SBF2: variants seen among roughly 807,000 people sequenced by gnomAD.
The protein encoded by SBF2 is SET binding factor 2.
In SBF2, 112 loss-of-function variants were observed where a neutral mutation model predicts 225.2. That is an observed-to-expected ratio of 0.50 (90% CI 0.43 to 0.58). The LOEUF (loss-of-function observed/expected upper bound fraction) is 0.58, where lower values mean the gene tolerates loss of function less well. Among genes scored for constraint, SBF2 ranks in the 20% least tolerant of loss-of-function variants. The probability of loss-of-function intolerance (pLI) is 0.00; values close to 1 mark genes in which losing one functional copy is unlikely to be tolerated. For synonymous variants in SBF2, 763 were observed against 773.3 expected, an observed-to-expected ratio of 0.99 and a Z score of 0.22; for missense variants, 1,996 against 2,206.2, an observed-to-expected ratio of 0.90 and a Z score of 1.91.
At chr11:9,938,504 T>G (rs1309230920) in intron 16 of SBF2, among the ~76,000 whole-genome samples, 3 of 152,024 alleles carry the variant, frequency 2.0e-5, no homozygotes, top group Admixed American at 2.0e-4. Context: ...AATTTGCTTT[T>G]GGAACATAAT....
rs181193289 is a variant in SBF2, at chr11:9,829,321, A to C, written c.3793+35T>G. 6.7e-5 allele frequency: 108 copies of C among 1,609,060 alleles called. No individual in the cohort carries two copies. In the African/African-American group the frequency reaches 1.3e-3, roughly 19 times the overall value. ...AGGAACAGAACTGACCTTTCATTAG[A>C]AGCTGTCAAGAAGAAAAGTATTATC... On this transcript the variant is annotated intron_variant, in intron 28 of 39. Transcript: ENST00000256190.
intron 2 of SBF2, among the ~76,000 whole-genome samples, chr11:10,132,335 G>C (rs533223076): frequency 4.6e-4 from 70 of 152,250 alleles, no homozygotes; most frequent in Non-Finnish European, 8.5e-4. Flanking sequence ...TCCAGAATTG[G>C]TGGGTTCTTG....
At chr11:10,137,475 A>G (rs543773480) in intron 2 of SBF2, among the ~76,000 whole-genome samples, 5 of 152,252 alleles carry the variant, frequency 3.3e-5, no homozygotes, top group South Asian at 2.1e-4. Flanking sequence ...CTTATTCTCA[A>G]TCTTAGGGGG....
intron 2 of SBF2, among the ~76,000 whole-genome samples, chr11:10,173,360 G>T: frequency 6.6e-6 from 1 of 152,234 alleles, no homozygotes; most frequent in Non-Finnish European, 1.5e-5. Context: ...AGCGCAAGGG[G>T]TCAGGGAGTT....
intron 13 of SBF2, among the ~76,000 whole-genome samples, chr11:9,984,056 G>C (rs1213364384): frequency 6.6e-6 from 1 of 152,162 alleles, no homozygotes; most frequent in African/African-American, 2.4e-5. Context: ...TAGTTCACTA[G>C]TAATGGATCC....
At chr11:9,826,673 G>A (rs893640463) in intron 28 of SBF2, among the ~76,000 whole-genome samples, 1 of 151,316 alleles carries the variant, frequency 6.6e-6, no homozygotes, top group Non-Finnish European at 1.5e-5. Context: ...TACTGATGAT[G>A]TTCAAGCAGA....
intron 13 of SBF2, among the ~76,000 whole-genome samples, chr11:9,972,007 G>T (rs1946482063): frequency 6.6e-6 from 1 of 152,112 alleles, no homozygotes; most frequent in Non-Finnish European, 1.5e-5. Flanking sequence ...ACAATTCAGG[G>T]GGAAAGGTTA....
intron 1 of SBF2, among the ~76,000 whole-genome samples, chr11:10,254,604 C>T (rs1469955017): frequency 6.8e-6 from 1 of 146,658 alleles, no homozygotes; most frequent in Non-Finnish European, 1.5e-5. Context: ...TACTATTCAG[C>T]CTTTAAAAAA....
At chr11:10,170,307 T>A (rs1157783466) in intron 2 of SBF2, among the ~76,000 whole-genome samples, 1 of 152,162 alleles carries the variant, frequency 6.6e-6, no homozygotes, top group Non-Finnish European at 1.5e-5. Flanking sequence ...ATTTTTTTTA[T>A]GGCGAGAAAG....
intron 2 of SBF2, among the ~76,000 whole-genome samples, chr11:10,072,381 CCAA>C (rs1950917495): frequency 6.6e-6 from 1 of 151,988 alleles, no homozygotes; most frequent in African/African-American, 2.4e-5. Flanking sequence ...TCTCTCAGGC[CCAA>C]CAACCTACTC....
chr11:10,008,362 G>A (rs1948292078), intron 6 of SBF2, among the ~76,000 whole-genome samples: 1 of 152,166 alleles, frequency 6.6e-6, no homozygotes, highest in South Asian at 2.1e-4. Context: ...TCCTAACTCA[G>A]GCAGCCCCAG....
intron 3 of SBF2, among the ~76,000 whole-genome samples, chr11:10,033,090 A>T (rs113708434): frequency 2.6e-4 from 40 of 152,342 alleles, no homozygotes; most frequent in African/African-American, 8.2e-4. Context: ...CAAAAACAAA[A>T]ATTAGGTTGG....
chr11:10,242,080 G>A (rs1337563979), intron 1 of SBF2, among the ~76,000 whole-genome samples: 1 of 151,654 alleles, frequency 6.6e-6, no homozygotes, highest in Non-Finnish European at 1.5e-5. Flanking sequence ...CTATGGGCAA[G>A]TTAGGTCCAC....
At chr11:9,938,270 G>A (rs541879578) in intron 16 of SBF2, among the ~76,000 whole-genome samples, 4 of 149,638 alleles carry the variant, frequency 2.7e-5, no homozygotes, top group African/African-American at 7.4e-5. Context: ...CAGCCTGGGC[G>A]ACACAGCGAG....
chr11:9,913,639 T>TCAAAAAAA (rs1452612515), intron 16 of SBF2, among the ~76,000 whole-genome samples: 1,742 of 101,236 alleles, frequency 0.017, 27 homozygotes, highest in African/African-American at 0.058. Context: ...ATAGCTGAGA[T>TCAAAAAAA]TAAAAAAATA....
intron 28 of SBF2, among the ~76,000 whole-genome samples, chr11:9,817,897 A>G (rs896545983): frequency 1.3e-5 from 2 of 152,160 alleles, no homozygotes; most frequent in Non-Finnish European, 2.9e-5. Context: ...CACTGTCTCT[A>G]AAATAAAATA....
Position 9,950,554 on chromosome 11 carries a change from C to T in SBF2, c.1860+11403G>A, listed in dbSNP as rs375565937. 3.9e-5 allele frequency among the ~76,000 whole-genome samples: 6 copies of T among 152,266 alleles called. No homozygotes were observed. In the East Asian group the frequency reaches 9.7e-4, roughly 25 times the overall value. ...TTCAGCTATGATGATTGTAACTCAG[C>T]AGTATGAACATTTGCACTTTAAATA... On this transcript the variant is annotated intron_variant, in intron 16 of 39. Coordinates refer to ENST00000256190, the MANE Select transcript of SBF2 (RefSeq NM_030962.4).
chr11:9,966,370 G>T (rs187850573), intron 14 of SBF2, among the ~76,000 whole-genome samples: 1 of 152,254 alleles, frequency 6.6e-6, no homozygotes, highest in Admixed American at 6.5e-5. Context: ...GATTATGGGC[G>T]TGAGCCACCA....
Position 10,209,969 on chromosome 11 carries a change from G to C in SBF2, c.56-15982C>G, listed in dbSNP as rs140909792. 1.1e-3 allele frequency among the ~76,000 whole-genome samples: 173 copies of C among 152,178 alleles called. 2 individuals carry two copies. Among genetic ancestry groups the C allele is most frequent in the African/African-American group, 3.7e-3 (153 of 41,532 alleles). ...TTCTCATGGTTTAATATGTCTGCTAGAGCTGCAAACATCACATCCATGTTT... is the reference window on the plus strand; with the variant it reads ...TTCTCATGGTTTAATATGTCTGCTACAGCTGCAAACATCACATCCATGTTT... On this transcript the variant is annotated intron_variant, in intron 1 of 39. Transcript: ENST00000256190.
Sources: gnomAD v4.1 joint callset for allele counts (sites outside exome capture counted in the v4.1 genomes callset) on GRCh38, gnomAD v4.1.1 for gene constraint, MANE v1.5 for transcripts, NCBI Gene and HGNC (gene_info 2026-07-23, HGNC 2026-07-21) for gene names.